Variants in CDC23 observed in about 807,000 individuals in gnomAD.
CDC23 encodes the protein cell division cycle 23, also known as cell division cycle protein 23 homolog.
CDC23 carries 26 observed loss-of-function variants against 81.7 expected under a neutral mutation model. The observed-to-expected ratio is 0.32, with a 90% confidence interval of 0.23 to 0.44. The LOEUF is 0.44. Ranked by LOEUF, CDC23 falls within the 20% of genes least tolerant of loss-of-function variation. The probability of loss-of-function intolerance (pLI) is 1.00; values close to 1 mark genes in which losing one functional copy is unlikely to be tolerated. For synonymous variants in CDC23, 267 were observed against 270.8 expected (o/e 0.99, Z 0.14); for missense variants, 519 against 728.0 (o/e 0.71, Z 3.30).
intron 12 of CDC23, 89 bp from the exon 13 acceptor site, chr5:138,191,624 G>A (rs1378601253): frequency 1.6e-6 from 2 of 1,269,130 alleles, no homozygotes; most frequent in East Asian, 2.3e-5. Context: ...AAGCCTCCCA[G>A]AAGTTCAGAT....
intron 13 of CDC23, 172 bp from the exon 14 acceptor site, chr5:138,190,078 A>C (rs1754809427): frequency 3.3e-6 from 2 of 612,796 alleles, no homozygotes; most frequent in Admixed American, 5.9e-5. Flanking sequence ...ACTGTTATCA[A>C]AGCTTAGAAT....
chr5:138,190,844 T>C (rs1754818766), intron 13 of CDC23, among the ~76,000 whole-genome samples: 1 of 148,776 alleles, frequency 6.7e-6, no homozygotes, highest in Admixed American at 6.7e-5. Flanking sequence ...AACCTGGTCA[T>C]CACAGCAAGA....
Position 138,198,442 on chromosome 5 carries a change from T to C in CDC23, c.914A>G (p.Asn305Ser), listed in dbSNP as rs886999438. The change falls in exon 8 of 16, where the codon AAC becomes AGC. Residue 305 changes from asparagine to serine, a missense_variant. Physicochemically the swap from Asn to Ser is conservative, Grantham distance 46. This residue lies in a region of CDC23 where 175 missense variants were observed against 337.8 expected (regional missense o/e 0.52). Transcript: ENST00000394886. ...GCAGCTCACCCTGACATAAAGAAGG[T>C]TGGAGAATGTGTCCATATTTTCAAT... ...YRIENMDTFSNLLYVRSMKSE... is the reference protein window; with the variant it reads ...YRIENMDTFSSLLYVRSMKSE... The C allele has an allele frequency of 1.9e-6, 3 of 1,613,854 alleles. No homozygotes were observed. The highest frequency in any genetic ancestry group is 2.7e-5 in the African/African-American group (2 of 74,904).
chr5:138,213,260 G>T lies in CDC23; in HGVS notation c.53C>A (p.Pro18His). Residue 18 changes from proline to histidine, a missense_variant, in exon 1 of 16, where the codon CCT becomes CAT. Coordinates refer to ENST00000394886, the MANE Select transcript of CDC23 (RefSeq NM_004661.4). ...GAAATCGCTGTTTATGGACAGGACA[G>T]GCGCCACTGCCGCCGTCACAGCCAC... Reference protein sequence around the residue: ...VPVAVTAAVAPVLSINSDFSD... With the variant: ...VPVAVTAAVAHVLSINSDFSD... 1 of 1,614,076 alleles carries T rather than the reference G, an allele frequency of 6.2e-7. No homozygotes were observed.
At position 138,213,269 on chromosome 5, in the gene CDC23, G is replaced by T. The variant is rs1014768672; in HGVS notation, c.44C>A (p.Ala15Glu). Residue 15 changes from alanine (A) to glutamate (E), a missense_variant, in exon 1 of 16, where the codon GCA becomes GAA. Ala to Glu is a moderately radical substitution (Grantham distance 107). This residue lies in a region of CDC23 where 126 missense variants were observed against 116.2 expected (regional missense o/e 1.08). Coordinates refer to ENST00000394886, the MANE Select transcript of CDC23 (RefSeq NM_004661.4). The part of the protein sequence containing the change: ...TSMVPVAVTA[A>E]VAPVLSINSD... ...GTTTATGGACAGGACAGGCGCCACT[G>T]CCGCCGTCACAGCCACCGGGACCAT... The T allele has an allele frequency of 4.3e-6, 7 of 1,613,934 alleles. No individual in the cohort carries two copies. Among genetic ancestry groups the T allele is most frequent in the African/African-American group, 4.0e-5 (3 of 75,020 alleles).
intron 10 of CDC23, 51 bp from the exon 11 acceptor site, chr5:138,192,439 A>C (rs375436247): frequency 6.2e-7 from 1 of 1,613,800 alleles, no homozygotes; most frequent in Non-Finnish European, 8.5e-7. Context: ...AAGGTTGGCA[A>C]CTTGCAGGCT....
At chr5:138,196,832 G>C (rs1419539786) in intron 9 of CDC23, among the ~76,000 whole-genome samples, 1 of 150,606 alleles carries the variant, frequency 6.6e-6, no homozygotes, top group Non-Finnish European at 1.5e-5. Flanking sequence ...CACCTGCCTT[G>C]GCCTCCCAAA....
At chr5:138,195,766 ATATATGTGTATATATACATATATTT>A (rs1754895398) in intron 9 of CDC23, among the ~76,000 whole-genome samples, 1 of 99,446 alleles carries the variant, frequency 1.0e-5, no homozygotes, top group Non-Finnish European at 1.9e-5. Flanking sequence ...TACATATATT[ATATATGTGTATATATACATATATTT>A]TATATATGTG....
chr5:138,204,082 T>C (rs915287802), intron 3 of CDC23, among the ~76,000 whole-genome samples: 1 of 152,218 alleles, frequency 6.6e-6, no homozygotes, highest in African/African-American at 2.4e-5. Context: ...AGAATGATGA[T>C]ATCTGCAACT....
In CDC23 at chr5:138,189,045, G is replaced by A; in HGVS notation, c.1727C>T (p.Ser576Leu). The change falls in exon 16 of 16, where the codon TCA becomes TTA. Residue 576 changes from serine (S) to leucine (L), a missense_variant. By Grantham distance (145) the Ser-to-Leu change is moderately radical. This residue lies in a region of CDC23 where 38 missense variants were observed against 34.7 expected (regional missense o/e 1.10). Transcript: ENST00000394886. ...EVPAPFFLPA[S>L]LSANNTPTRR... ...TGTGGGGGTATTGTTAGCAGAGAGT[G>A]AAGCAGGTAGGAAAAAGGGAGCAGG... 6.2e-7 allele frequency: 1 copy of A among 1,614,146 alleles called. No individual in the cohort carries two copies. The highest frequency in any genetic ancestry group is 8.5e-7 in the Non-Finnish European group (1 of 1,180,020).
chr5:138,193,565 C>T (rs1225683319), intron 9 of CDC23, among the ~76,000 whole-genome samples: 1 of 150,420 alleles, frequency 6.6e-6, no homozygotes. Flanking sequence ...CACTGCACTC[C>T]AGCTTGGGTA....
rs748141532 is a variant in CDC23 at position 138,206,663 on chromosome 5, C to T, written c.256G>A (p.Ala86Thr). The T allele has an allele frequency of 6.2e-7, 1 of 1,611,580 alleles. No individual in the cohort carries two copies. Among genetic ancestry groups the T allele is most frequent in the Non-Finnish European group, 8.5e-7 (1 of 1,178,816 alleles). The change falls in exon 3 of 16, where the codon GCC (alanine) becomes ACC (threonine). Residue 86 changes from alanine to threonine, a missense_variant. Coordinates refer to ENST00000394886, the MANE Select transcript of CDC23 (RefSeq NM_004661.4). ...AAGTAGGCCTTGGCCAGGGTATAGG[C>T]ATCCATATCCTGGGCATCTTCCTAA... ...ITEEDAQDMDAYTLAKAYFDV... is the reference protein window; with the variant it reads ...ITEEDAQDMDTYTLAKAYFDV...
At chr5:138,210,878 T>G (rs1226945500) in intron 2 of CDC23, among the ~76,000 whole-genome samples, 1 of 152,214 alleles carries the variant, frequency 6.6e-6, no homozygotes, top group Non-Finnish European at 1.5e-5. Context: ...ATTCAATAGT[T>G]ATTTATCCTA....
At position 138,195,578 on chromosome 5, in the gene CDC23, TATA is replaced by T. The variant is rs1458396054; in HGVS notation, c.1012+2618_1012+2620del. Among the ~76,000 whole-genome samples, 439 of 94,336 alleles carry T rather than the reference TATA, an allele frequency of 4.7e-3. 2 individuals are homozygous for T. Among genetic ancestry groups the T allele is most frequent in the Middle Eastern group, 0.022 (5 of 232 alleles). The allele number at this position is 94,336 out of a possible 152,430, so 61.9% of individuals were successfully genotyped here. A position where few individuals can be genotyped will look rare whatever the true frequency, so the allele number is the denominator to read the frequency against. ...TTATATATAATATATTTATATATAA[TATA>T]TTATATATAATATATATTATATATG... On this transcript the variant is annotated intron_variant, in intron 9 of 15. Coordinates refer to ENST00000394886, the MANE Select transcript of CDC23 (RefSeq NM_004661.4).
Position 138,192,539 on chromosome 5 carries a change from C to T in CDC23, c.1131G>A (p.Glu377=). 6.2e-7 allele frequency: 1 copy of T among 1,614,120 alleles called. No individual in the cohort carries two copies. The highest frequency in any genetic ancestry group is 8.5e-7 in the Non-Finnish European group (1 of 1,180,022). Residue 377 remains glutamate, a synonymous_variant, in exon 10 of 16, where the codon GAG becomes GAA. Coordinates refer to ENST00000394886, the MANE Select transcript of CDC23 (RefSeq NM_004661.4). ...AWTLMGHEYM[E]MKNTSAAIQA... ...GGATAGCAGCAGACGTGTTCTTCAT[C>T]TCCATGTACTCATGTCCCATTAGTG...
chr5:138,212,982 T>G lies in CDC23; in HGVS notation c.234+9A>C, dbSNP rs1442086201. The G allele has an allele frequency of 1.2e-6, 2 of 1,613,016 alleles. No homozygotes were observed. Among genetic ancestry groups the G allele is most frequent in the Non-Finnish European group, 1.7e-6 (2 of 1,179,094 alleles). ...TGATGGGGAGCGCTCACTGTAAACA[T>G]GTCCTTACCTCTGTAATAGGCGGAG... On this transcript the variant is annotated intron_variant, in intron 2 of 15. Coordinates refer to ENST00000394886, the MANE Select transcript of CDC23 (RefSeq NM_004661.4).
chr5:138,193,606 GA>G (rs1754850081), intron 9 of CDC23, among the ~76,000 whole-genome samples: 1 of 147,244 alleles, frequency 6.8e-6, no homozygotes, highest in South Asian at 2.2e-4. Context: ...AAAAAAAAAG[GA>G]AAAAAAGAGG....
At position 138,201,172 on chromosome 5, in the gene CDC23, G is replaced by A; in HGVS notation, c.589C>T (p.His197Tyr). Residue 197 changes from histidine (H) to tyrosine (Y), a missense_variant, in exon 6 of 16, where the codon CAT becomes TAT. Physicochemically the swap from His to Tyr is moderately conservative, Grantham distance 83. Around this residue, in one of 4 missense-constraint regions of CDC23, gnomAD observed 180 missense variants for 239.3 expected, o/e 0.75. Transcript: ENST00000394886. Reference sequence around the variant, plus strand: ...GCTCCCCAATGCAAGGGCAAAACATGAGTAGCTTCCACAAACACATCAATG... The same window carrying A: ...GCTCCCCAATGCAAGGGCAAAACATAAGTAGCTTCCACAAACACATCAATG... Reference protein sequence around the residue: ...EAIDVFVEATHVLPLHWGAWL... With the variant: ...EAIDVFVEATYVLPLHWGAWL... The A allele has an allele frequency of 3.7e-6, 6 of 1,614,152 alleles. No homozygotes were observed. Among genetic ancestry groups the A allele is most frequent in the Non-Finnish European group, 5.1e-6 (6 of 1,180,020 alleles).
chr5:138,196,729 C>T (rs1310693692), intron 9 of CDC23, among the ~76,000 whole-genome samples: 27 of 150,074 alleles, frequency 1.8e-4, no homozygotes, highest in Non-Finnish European at 3.4e-4. Context: ...TACAGGCGCC[C>T]GCCACCACGC....
Sources: allele counts gnomAD v4.1 joint callset (sites outside exome capture counted in the v4.1 genomes callset), GRCh38; gene constraint gnomAD v4.1.1; regional missense constraint gnomAD v4.1.1; transcripts MANE v1.5; gene names NCBI Gene and HGNC (gene_info 2026-07-23, HGNC 2026-07-21).